Variants in TNKS observed in about 807,000 individuals in gnomAD.
TNKS encodes the protein tankyrase.
A neutral mutation model predicts 135.8 loss-of-function variants in TNKS; 72 were observed. The observed-to-expected ratio is 0.53, with a 90% CI of 0.44 to 0.64. The LOEUF (loss-of-function observed/expected upper bound fraction) is 0.64, where lower values mean the gene tolerates loss of function less well. TNKS is among the 30% of genes least tolerant of loss of function. TNKS has a pLI of 0.00. For synonymous variants in TNKS, 849 were observed against 649.3 expected (o/e 1.31, Z -4.68); for missense variants, 1,769 against 1,674.0 (o/e 1.06, Z -0.99).
rs965457930 is a variant in TNKS, at chr8:9,659,535, A to T, written c.995-20416A>T. 1.2e-4 allele frequency among the ~76,000 whole-genome samples: 18 copies of T among 152,332 alleles called. 2 individuals are homozygous for T. The highest frequency in any genetic ancestry group is 4.3e-4 in the African/African-American group (18 of 41,568). ...AGAAATAAAGATGTTCTTTGAAACC[A>T]ACGAGAACAAAGACACAACATACCA... On this transcript the variant is annotated intron_variant, in intron 3 of 26. Coordinates refer to ENST00000310430, the MANE Select transcript of TNKS (RefSeq NM_003747.3).
chr8:9,678,317 T>C (rs963961178), intron 3 of TNKS, among the ~76,000 whole-genome samples: 3 of 152,224 alleles, frequency 2.0e-5, no homozygotes, highest in African/African-American at 4.8e-5. Context: ...TCCATATTGC[T>C]ACCTAAAATG....
chr8:9,601,409 C>G (rs1799011274), intron 2 of TNKS, among the ~76,000 whole-genome samples: 1 of 152,188 alleles, frequency 6.6e-6, no homozygotes, highest in Admixed American at 6.5e-5. Context: ...GCCTCTTTCC[C>G]CATCATCATT....
At chr8:9,594,784 C>G (rs1213422421) in intron 2 of TNKS, among the ~76,000 whole-genome samples, 1 of 152,142 alleles carries the variant, frequency 6.6e-6, no homozygotes, top group East Asian at 1.9e-4. Context: ...ATATCCTTTT[C>G]ATTACATATA....
chr8:9,694,252 A>G (rs933276349), intron 5 of TNKS, among the ~76,000 whole-genome samples: 6 of 152,184 alleles, frequency 3.9e-5, no homozygotes, highest in Non-Finnish European at 8.8e-5. Context: ...AGCTGACAAT[A>G]ACTCTCATTC....
At chr8:9,574,888 C>A (rs1265147996) in intron 1 of TNKS, 2 of 258,040 alleles carry the variant, frequency 7.8e-6, no homozygotes, top group South Asian at 1.5e-4. Context: ...CCCCTTTACT[C>A]ACTCTCCCTT....
rs547140214 is a variant in TNKS, at chr8:9,699,321, G to C, written c.1108-5342G>C. ...GGCACTATGTGGTAACCATTCACTA[G>C]GTTTAGTCCTAGGGTGTGTGATTTT... On this transcript the variant is annotated intron_variant, in intron 5 of 26. Coordinates refer to ENST00000310430, the MANE Select transcript of TNKS (RefSeq NM_003747.3). Among the ~76,000 whole-genome samples the C allele has an allele frequency of 6.5e-4, 99 of 152,288 alleles. 1 individual carries two copies. The highest frequency in any genetic ancestry group is 2.2e-3 in the African/African-American group (92 of 41,558).
intron 20 of TNKS, among the ~76,000 whole-genome samples, chr8:9,758,200 G>T (rs1806943948): frequency 6.6e-6 from 1 of 152,228 alleles, no homozygotes; most frequent in Admixed American, 6.5e-5. Context: ...TGCTTGTTAT[G>T]TAGCGAGTAC....
rs765003649 is a variant in TNKS, at chr8:9,642,779, A to C, written c.994+27102A>C. Among the ~76,000 whole-genome samples, 3 of 146,116 alleles carry C rather than the reference A, an allele frequency of 2.1e-5. 1 individual carries two copies. Among genetic ancestry groups the C allele is most frequent in the Non-Finnish European group, 4.5e-5 (3 of 66,628 alleles). Reference sequence around the variant, plus strand: ...ATGACACCTCTTTTAATAAATGTACATACTTCAGAATCTCATAAAAGTTCA... The same window carrying C: ...ATGACACCTCTTTTAATAAATGTACCTACTTCAGAATCTCATAAAAGTTCA... On this transcript the variant is annotated intron_variant, in intron 3 of 26. Transcript: ENST00000310430.
intron 13 of TNKS, among the ~76,000 whole-genome samples, chr8:9,729,107 C>G (rs1391082919): frequency 2.6e-4 from 39 of 152,126 alleles, no homozygotes; most frequent in Non-Finnish European, 1.5e-5. Flanking sequence ...CTGGAGGGGA[C>G]AAATGCTGTA....
intron 3 of TNKS, among the ~76,000 whole-genome samples, chr8:9,666,693 C>G (rs1453297756): frequency 1.3e-5 from 2 of 151,490 alleles, no homozygotes; most frequent in Non-Finnish European, 2.9e-5. Context: ...TGCGCTCCAG[C>G]CTGGGCGACA....
At chr8:9,686,759 A>C (rs548208569) in intron 5 of TNKS, among the ~76,000 whole-genome samples, 1 of 152,254 alleles carries the variant, frequency 6.6e-6, no homozygotes, top group South Asian at 2.1e-4. Context: ...GTATTGTGGG[A>C]AAAAGCAGGA....
intron 3 of TNKS, among the ~76,000 whole-genome samples, chr8:9,623,098 T>A (rs2128768326): frequency 6.6e-6 from 1 of 152,334 alleles, no homozygotes; most frequent in South Asian, 2.1e-4. Context: ...TGTATTCACC[T>A]ATTTTCAGAC....
Position 9,747,939 on chromosome 8 carries a change from T to C in TNKS, c.2644-85T>C, listed in dbSNP as rs1806318980. The C allele has an allele frequency of 9.4e-6, 12 of 1,282,070 alleles. No homozygotes were observed. In the Admixed American group the frequency reaches 1.0e-4, roughly 11 times the overall value. The allele number at this position is 1,282,070 out of a possible 1,614,324, so 79.4% of individuals were successfully genotyped here. A position where few individuals can be genotyped will look rare whatever the true frequency, so the allele number is the denominator to read the frequency against. On this transcript the variant is annotated intron_variant, in intron 17 of 26. Coordinates refer to ENST00000310430, the MANE Select transcript of TNKS (RefSeq NM_003747.3). Reference sequence around the variant, plus strand: ...GAAAATGGAGATACAGAGGAGTGAATTGTTAAATAAAAACAGGTATACACA... The same window carrying C: ...GAAAATGGAGATACAGAGGAGTGAACTGTTAAATAAAAACAGGTATACACA...
intron 3 of TNKS, among the ~76,000 whole-genome samples, chr8:9,676,006 ATTTTTTT>A (rs760646836): frequency 6.9e-5 from 9 of 130,830 alleles, no homozygotes; most frequent in Admixed American, 1.5e-4. Flanking sequence ...AAAAGTCAGA[ATTTTTTT>A]TTTTTTTTTT....
intron 12 of TNKS, among the ~76,000 whole-genome samples, chr8:9,724,912 A>G (rs369603246): frequency 3.3e-5 from 5 of 152,224 alleles, no homozygotes; most frequent in African/African-American, 1.2e-4. Flanking sequence ...ATTTTGCCAT[A>G]TTAAATGTAT....
intron 5 of TNKS, among the ~76,000 whole-genome samples, chr8:9,686,585 G>A (rs753834200): frequency 5.6e-4 from 85 of 152,198 alleles, no homozygotes; most frequent in Admixed American, 4.6e-4. Flanking sequence ...AAAATGATTC[G>A]TTGATAGTTA....
Position 9,755,958 on chromosome 8 carries a change from T to C in TNKS, c.3153+3332T>C, listed in dbSNP as rs189511888. On this transcript the variant is annotated intron_variant, in intron 20 of 26. Transcript: ENST00000310430. ...CCAAGTTCTATGTTGAATAATATAG[T>C]ATCCTTTCTAGTTAATGAAATATAG... 8.5e-5 allele frequency among the ~76,000 whole-genome samples: 13 copies of C among 152,358 alleles called. No homozygotes were observed. The East Asian group carries it at 1.3e-3, about 16-fold the overall frequency.
At chr8:9,726,747 A>T in intron 13 of TNKS, 27 bp downstream of exon 13, 1 of 1,561,604 alleles carries the variant, frequency 6.4e-7, no homozygotes. Context: ...AATATCTGGA[A>T]TAGCACTGTT....
At chr8:9,760,823 C>G (rs1181477327) in intron 20 of TNKS, among the ~76,000 whole-genome samples, 1 of 152,108 alleles carries the variant, frequency 6.6e-6, no homozygotes, top group African/African-American at 2.4e-5. Flanking sequence ...TTAAAAAGCA[C>G]TATGTTGTAT....
Sources: allele counts gnomAD v4.1 joint callset (sites outside exome capture counted in the v4.1 genomes callset), GRCh38; gene constraint gnomAD v4.1.1; transcripts MANE v1.5; gene names NCBI Gene and HGNC (gene_info 2026-07-23, HGNC 2026-07-21).